Variants in CLEC19A observed in about 807,000 individuals in gnomAD.
The protein encoded by CLEC19A is C-type lectin domain containing 19A.
In CLEC19A, 21 loss-of-function variants were observed where a neutral mutation model predicts 26.1. That is an observed-to-expected ratio of 0.80 (90% CI 0.57 to 1.16). The LOEUF (loss-of-function observed/expected upper bound fraction) is 1.16, where lower values mean the gene tolerates loss of function less well. Among genes scored for constraint, CLEC19A ranks in the 50% most tolerant of loss-of-function variants. The probability of loss-of-function intolerance (pLI) is 0.00; values close to 1 mark genes in which losing one functional copy is unlikely to be tolerated. For missense variants in CLEC19A, 224 were observed against 227.6 expected (o/e 0.98, Z 0.10); for synonymous variants, 89 against 88.6 (o/e 1.00, Z -0.03).
Position 19,307,661 on chromosome 16 carries a change from G to A in CLEC19A, c.465G>A (p.Trp155Ter). The A allele has an allele frequency of 6.5e-7, 1 of 1,548,294 alleles. No individual in the cohort carries two copies. The highest frequency in any genetic ancestry group is 8.7e-7 in the Non-Finnish European group (1 of 1,146,798). Residue 155 changes from tryptophan to a stop codon, truncating the protein, a stop_gained, in exon 4 of 5, where the codon TGG (tryptophan) becomes TGA (stop). Coordinates refer to ENST00000636231, the MANE Select transcript of CLEC19A (RefSeq NM_001256720.2). LOFTEE classifies it high-confidence loss of function. Reference protein sequence around the residue: ...DPEEEDCVQIWYRPTSALRSW... With the variant: ...DPEEEDCVQI ...AAGAAGAGGACTGCGTGCAGATATGGTACAGGCCTACCAGTGGTGGGTACC... is the reference window on the plus strand; with the variant it reads ...AAGAAGAGGACTGCGTGCAGATATGATACAGGCCTACCAGTGGTGGGTACC...
At chr16:19,300,902 A>T (rs1315412137) in intron 2 of CLEC19A, among the ~76,000 whole-genome samples, 1 of 152,138 alleles carries the variant, frequency 6.6e-6, no homozygotes, top group Non-Finnish European at 1.5e-5. Context: ...TCCCAAGCCG[A>T]GGGGGAAAGA....
At chr16:19,305,235 G>A (rs1897926276) in intron 3 of CLEC19A, 1 of 152,294 alleles carries the variant, frequency 6.6e-6, no homozygotes, top group African/African-American at 2.4e-5. Flanking sequence ...AGATATTTAA[G>A]TTAGTGTCTA....
chr16:19,286,506 G>A (rs1408943075), intron 1 of CLEC19A, among the ~76,000 whole-genome samples: 2 of 152,216 alleles, frequency 1.3e-5, no homozygotes, highest in Non-Finnish European at 2.9e-5. Flanking sequence ...CCCCAGGGAT[G>A]AGAACCTGTC....
chr16:19,310,898 A>C lies in CLEC19A; in HGVS notation c.*1815A>C, dbSNP rs1010424789. 1 of 152,212 alleles carries C rather than the reference A, an allele frequency of 6.6e-6. No individual in the cohort carries two copies. The highest frequency in any genetic ancestry group is 1.5e-5 in the Non-Finnish European group (1 of 68,046). The allele number at this position is 152,212 out of a possible 1,614,324, so 9.4% of individuals were successfully genotyped here. On this transcript the variant is annotated 3_prime_UTR_variant, in exon 5 of 5. Transcript: ENST00000636231. ...CAATATTGTAAATGTACAAGAAGCC[A>C]CTGAACTGTACATTTTAAAATAATA...
intron 3 of CLEC19A, among the ~76,000 whole-genome samples, chr16:19,306,470 A>T (rs1486687337): frequency 6.6e-6 from 1 of 152,072 alleles, no homozygotes; most frequent in African/African-American, 2.4e-5. Flanking sequence ...ATAGACTTCA[A>T]CTGGCAAGAA....
intron 1 of CLEC19A, among the ~76,000 whole-genome samples, chr16:19,292,352 G>A (rs1427726900): frequency 1.3e-5 from 2 of 152,120 alleles, no homozygotes; most frequent in African/African-American, 4.8e-5. Flanking sequence ...CGTAGCAATC[G>A]TTGTCCTAAA....
At chr16:19,304,396 T>TAAA (rs35007845) in intron 3 of CLEC19A, 10,429 of 196,358 alleles carry the variant, frequency 0.053, 759 homozygotes, top group African/African-American at 0.19. Flanking sequence ...TGGGTTCTCT[T>TAAA]AAAAAAAAAA....
At chr16:19,300,585 T>A (rs1260569249) in intron 2 of CLEC19A, among the ~76,000 whole-genome samples, 1 of 151,736 alleles carries the variant, frequency 6.6e-6, no homozygotes, top group Admixed American at 6.6e-5. Context: ...TATTTTATCT[T>A]AGTTTCCAAA....
At chr16:19,298,017 G>A (rs1310627829) in intron 1 of CLEC19A, among the ~76,000 whole-genome samples, 1 of 151,978 alleles carries the variant, frequency 6.6e-6, no homozygotes, top group Non-Finnish European at 1.5e-5. Flanking sequence ...TTGGGAGGCC[G>A]AGGCGGGCGG....
At chr16:19,304,316 G>C in intron 3 of CLEC19A, 161 bp downstream of exon 3, 1 of 562,270 alleles carries the variant, frequency 1.8e-6, no homozygotes, top group Non-Finnish European at 3.2e-6. Flanking sequence ...ACCAATTTGT[G>C]AAAGACATTT....
At chr16:19,287,736 C>A (rs1029611468) in intron 1 of CLEC19A, among the ~76,000 whole-genome samples, 1 of 152,184 alleles carries the variant, frequency 6.6e-6, no homozygotes, top group African/African-American at 2.4e-5. Context: ...AGTTTCCTCA[C>A]CTCTCTGAGC....
intron 1 of CLEC19A, among the ~76,000 whole-genome samples, chr16:19,293,918 T>C (rs1459444541): frequency 1.3e-5 from 2 of 152,162 alleles, no homozygotes; most frequent in African/African-American, 4.8e-5. Flanking sequence ...TCCAATTATA[T>C]TCTTTTAGTT....
At chr16:19,291,015 A>G (rs1295045810) in intron 1 of CLEC19A, among the ~76,000 whole-genome samples, 2 of 152,020 alleles carry the variant, frequency 1.3e-5, no homozygotes, top group African/African-American at 4.8e-5. Flanking sequence ...ATTTACAAAA[A>G]GTGTTTTTGT....
intron 2 of CLEC19A, among the ~76,000 whole-genome samples, chr16:19,302,146 A>G (rs1331275467): frequency 6.6e-6 from 1 of 151,880 alleles, no homozygotes; most frequent in African/African-American, 2.4e-5. Flanking sequence ...CCAAGAGTGT[A>G]TGTTAAGTAA....
chr16:19,299,246 T>C (rs1182869860), intron 2 of CLEC19A, among the ~76,000 whole-genome samples: 2 of 152,216 alleles, frequency 1.3e-5, no homozygotes, highest in Non-Finnish European at 2.9e-5. Context: ...ACTACATATA[T>C]AAAGAATATG....
intron 1 of CLEC19A, among the ~76,000 whole-genome samples, chr16:19,295,934 A>C (rs1353983630): frequency 6.6e-6 from 1 of 152,212 alleles, no homozygotes; most frequent in East Asian, 1.9e-4. Context: ...TTAACGCATC[A>C]AGATGATGTC....
chr16:19,303,835 G>A, intron 2 of CLEC19A: 1 of 425,150 alleles, frequency 2.4e-6, no homozygotes, highest in Non-Finnish European at 4.3e-6. Context: ...TTTTAGGGAT[G>A]AGTAGCAGTA....
chr16:19,297,214 G>A (rs1897723253), intron 1 of CLEC19A, among the ~76,000 whole-genome samples: 1 of 152,200 alleles, frequency 6.6e-6, no homozygotes, highest in South Asian at 2.1e-4. Context: ...AACTCCAGGA[G>A]TTCGATGGGC....
Position 19,285,863 on chromosome 16 carries a change from G to A in CLEC19A, c.12G>A (p.Trp4Ter), listed in dbSNP as rs548913093. 6.4e-7 allele frequency: 1 copy of A among 1,550,532 alleles called. No homozygotes were observed. Among genetic ancestry groups the A allele is most frequent in the Admixed American group, 2.0e-5 (1 of 51,002 alleles). ...TCTAGGAGCTCAGGATGCAAAGGTG[G>A]ACACTGTGGGCTGCAGCCTTCCTGA... The part of the protein sequence containing the change: MQR[W>*]TLWAAAFLTL... Residue 4 changes from tryptophan (W) to a stop codon, truncating the protein, a stop_gained, in exon 1 of 5, where the codon TGG (tryptophan) becomes TGA (stop). Transcript: ENST00000636231. LOFTEE classifies it high-confidence loss of function.
Sources: gnomAD v4.1 joint callset for allele counts (sites outside exome capture counted in the v4.1 genomes callset) on GRCh38, gnomAD v4.1.1 for gene constraint, MANE v1.5 for transcripts, NCBI Gene and HGNC (gene_info 2026-07-23, HGNC 2026-07-21) for gene names.